Variants in FCSK observed in about 807,000 individuals in gnomAD.
FCSK encodes fucose kinase, also known as L-fucose kinase.
In FCSK, 123 loss-of-function variants were observed where a neutral mutation model predicts 122.5. The observed-to-expected ratio is 1.00, with a 90% CI of 0.87 to 1.17. The LOEUF (loss-of-function observed/expected upper bound fraction) is 1.17, where lower values mean the gene tolerates loss of function less well. FCSK is among the 50% of genes most tolerant of loss of function. The pLI, the probability that FCSK is intolerant of heterozygous loss-of-function variation, is 0.00. For missense variants in FCSK, 1,366 were observed against 1,450.4 expected (o/e 0.94, Z 0.95); for synonymous variants, 620 against 625.5 (o/e 0.99, Z 0.13).
At chr16:70,465,805 T>C (rs754403294) in intron 4 of FCSK, among the ~76,000 whole-genome samples, 41 of 151,870 alleles carry the variant, frequency 2.7e-4, no homozygotes, top group Non-Finnish European at 4.4e-4. Flanking sequence ...TACAAAAAAT[T>C]AGCCAGGCAT....
chr16:70,461,621 T>C (rs1433332559), intron 1 of FCSK, among the ~76,000 whole-genome samples: 1 of 152,192 alleles, frequency 6.6e-6, no homozygotes, highest in Non-Finnish European at 1.5e-5. Context: ...CCTGCAGCTC[T>C]GAGTGCATAT....
intron 1 of FCSK, among the ~76,000 whole-genome samples, chr16:70,456,930 G>A (rs921195233): frequency 6.6e-6 from 1 of 152,066 alleles, no homozygotes; most frequent in Non-Finnish European, 1.5e-5. Context: ...TGAGGCAGGA[G>A]AATGGCTTGA....
At chr16:70,470,892 TG>T in intron 11 of FCSK, 78 bp from the exon 12 acceptor site, 1 of 1,318,016 alleles carries the variant, frequency 7.6e-7, no homozygotes, top group Non-Finnish European at 1.0e-6. Flanking sequence ...GCTTTGCCCC[TG>T]GATGCTTGGC....
intron 1 of FCSK, 43 bp downstream of exon 1, chr16:70,454,673 CTTG>C (rs2048030554): frequency 6.6e-6 from 1 of 151,332 alleles, no homozygotes; most frequent in African/African-American, 2.5e-5. Flanking sequence ...CCTTGCGCCC[CTTG>C]CGCCCCTTGC....
chr16:70,465,237 G>T, intron 4 of FCSK, 61 bp downstream of exon 4: 1 of 1,523,918 alleles, frequency 6.6e-7, no homozygotes, highest in Non-Finnish European at 9.0e-7. Flanking sequence ...GTGGAGTTGA[G>T]CAGGACTTCA....
At chr16:70,468,338 T>G (rs1021387896) in intron 8 of FCSK, among the ~76,000 whole-genome samples, 1 of 152,220 alleles carries the variant, frequency 6.6e-6, no homozygotes, top group Admixed American at 6.5e-5. Flanking sequence ...GAGAATCGCT[T>G]GAACCCAGGA....
intron 7 of FCSK, 44 bp from the exon 8 acceptor site, chr16:70,467,842 C>CAGGAGGG: frequency 6.5e-7 from 1 of 1,543,778 alleles, no homozygotes; most frequent in Non-Finnish European, 9.0e-7. Flanking sequence ...CCTTCCAGAT[C>CAGGAGGG]CCTTCCTGCT....
rs2048888673 is a variant in FCSK, at chr16:70,478,549, A to T, written c.2830-2A>T. ...CCACCCCTTCTCCTGCCCCGTCCGC[A>T]GGATGTGCTGAGGAGCTGGTATGCC... On this transcript the variant is annotated splice_acceptor_variant, in intron 21 of 23. Transcript: ENST00000288078. LOFTEE classifies it high-confidence loss of function. 1.2e-6 allele frequency: 2 copies of T among 1,613,724 alleles called. No homozygotes were observed. The highest frequency in any genetic ancestry group is 2.2e-5 in the East Asian group (1 of 44,886).
chr16:70,478,881 G>A (rs2048905389), intron 22 of FCSK: 3 of 699,142 alleles, frequency 4.3e-6, no homozygotes, highest in East Asian at 5.4e-5. Flanking sequence ...GAAGCAGAGA[G>A]GGGAAGGGAC....
At chr16:70,472,469 G>C in intron 13 of FCSK, 72 bp from the exon 14 acceptor site, 2 of 1,236,814 alleles carry the variant, frequency 1.6e-6, no homozygotes, top group Non-Finnish European at 1.1e-6. Context: ...GCAGCTCCTG[G>C]CCCCCTGGCC....
In FCSK at chr16:70,474,279, G is replaced by A. The variant is rs936106517; in HGVS notation, c.1928G>A (p.Cys643Tyr). Residue 643 changes from cysteine to tyrosine, a missense_variant, in exon 16 of 24, where the codon TGT becomes TAT. Physicochemically the swap from Cys to Tyr is radical, Grantham distance 194 (BLOSUM62 -2). Coordinates refer to ENST00000288078, the MANE Select transcript of FCSK (RefSeq NM_145059.3). ...EWMRPFSYLE[C>Y]GDLAAGVEAL... ...ATGCGGCCCTTCTCATACCTGGAGT[G>A]TGGAGACCTGGCAGCGGGCGTGGAG... The A allele has an allele frequency of 4.3e-6, 7 of 1,613,380 alleles. No homozygotes were observed. In the Admixed American group the frequency reaches 8.3e-5, roughly 19 times the overall value.
intron 1 of FCSK, among the ~76,000 whole-genome samples, chr16:70,456,459 C>A (rs929715784): frequency 6.6e-6 from 1 of 152,272 alleles, no homozygotes; most frequent in Middle Eastern, 3.4e-3. Flanking sequence ...AGGGGATGTC[C>A]CTCAGCCTTG....
At chr16:70,462,796 C>T (rs1395662693) in intron 1 of FCSK, among the ~76,000 whole-genome samples, 6 of 151,598 alleles carry the variant, frequency 4.0e-5, no homozygotes, top group African/African-American at 7.3e-5. Context: ...AGGCATGCCC[C>T]GCCACACCCG....
chr16:70,458,489 C>T (rs536508941), intron 1 of FCSK, among the ~76,000 whole-genome samples: 2 of 151,382 alleles, frequency 1.3e-5, no homozygotes, highest in South Asian at 4.2e-4. Flanking sequence ...TTTTTTGAGA[C>T]GGAATCTCAC....
Position 70,471,035 on chromosome 16 carries a change from T to G in FCSK, c.1133T>G (p.Leu378Arg). 6.2e-7 allele frequency: 1 copy of G among 1,603,350 alleles called. No homozygotes were observed. The highest frequency in any genetic ancestry group is 1.1e-5 in the South Asian group (1 of 89,530). Reference sequence around the variant, plus strand: ...TGCCTGCTGGAGGGCCCTGTCCAGCTGGGTCCTGGGAGCGTCCTGCAGCAC... The same window carrying G: ...TGCCTGCTGGAGGGCCCTGTCCAGCGGGGTCCTGGGAGCGTCCTGCAGCAC... ...VSCLLEGPVQ[L>R]GPGSVLQHCH... is the part of the protein sequence containing the mutation. Residue 378 changes from leucine to arginine, a missense_variant, in exon 12 of 24, where the codon CTG (leucine) becomes CGG (arginine). Coordinates refer to ENST00000288078, the MANE Select transcript of FCSK (RefSeq NM_145059.3).
intron 1 of FCSK, among the ~76,000 whole-genome samples, chr16:70,461,058 A>G (rs1315466984): frequency 6.6e-6 from 1 of 152,196 alleles, no homozygotes; most frequent in Non-Finnish European, 1.5e-5. Flanking sequence ...TGAGTAGGGA[A>G]TGGAGCAATT....
chr16:70,466,662 A>T (rs1257166908), intron 5 of FCSK: 2 of 575,722 alleles, frequency 3.5e-6, no homozygotes, highest in Non-Finnish European at 6.2e-6. Flanking sequence ...GCACTACTGC[A>T]CTCCAGCCTG....
Position 70,463,749 on chromosome 16 carries a change from A to G in FCSK, c.209A>G (p.His70Arg). 1 of 1,611,652 alleles carries G rather than the reference A, an allele frequency of 6.2e-7. No individual in the cohort carries two copies. The highest frequency in any genetic ancestry group is 8.5e-7 in the Non-Finnish European group (1 of 1,179,698). The change falls in exon 3 of 24, where the codon CAC becomes CGC. Residue 70 changes from histidine to arginine, a missense_variant. Transcript: ENST00000288078. ...AACGCCCTGCTGGTGGCTGCTGAAC[A>G]CCTGAGTGCCCGGGCAGGCTTCACT... ...TLNALLVAAEHLSARAGFTVV... is the reference protein window; with the variant it reads ...TLNALLVAAERLSARAGFTVV...
intron 5 of FCSK, chr16:70,466,466 G>T (rs2048421286): frequency 3.4e-6 from 2 of 589,870 alleles, no homozygotes; most frequent in East Asian, 6.2e-5. Flanking sequence ...GCCAAAGTGG[G>T]AGGATCGCTT....
Sources: gnomAD v4.1 joint callset for allele counts (sites outside exome capture counted in the v4.1 genomes callset) on GRCh38, gnomAD v4.1.1 for gene constraint, MANE v1.5 for transcripts, NCBI Gene and HGNC (gene_info 2026-07-23, HGNC 2026-07-21) for gene names.